CLEC16A: variants seen among roughly 807,000 people sequenced by gnomAD.
CLEC16A encodes protein CLEC16A.
In CLEC16A, 51 loss-of-function variants were observed where a neutral mutation model predicts 109.5. The observed-to-expected ratio is 0.47, with a 90% CI of 0.37 to 0.59. The LOEUF (loss-of-function observed/expected upper bound fraction) is 0.59, where lower values mean the gene tolerates loss of function less well. Among genes scored for constraint, CLEC16A ranks in the 20% least tolerant of loss-of-function variants. The pLI, the probability that CLEC16A is intolerant of heterozygous loss-of-function variation, is 0.00. For missense variants in CLEC16A, 1,339 were observed against 1,394.0 expected (o/e 0.96, Z 0.63); for synonymous variants, 673 against 564.2 (o/e 1.19, Z -2.73).
At chr16:11,140,011 C>T (rs1188177201) in intron 22 of CLEC16A, among the ~76,000 whole-genome samples, 1 of 152,320 alleles carries the variant, frequency 6.6e-6, no homozygotes, top group South Asian at 2.1e-4. Context: ...AAAGCAAGGT[C>T]CCCTGCCCGG....
At position 11,020,300 on chromosome 16, in the gene CLEC16A, T is replaced by C; in HGVS notation, c.1411T>C (p.Cys471Arg). 6.2e-7 allele frequency: 1 copy of C among 1,612,700 alleles called. No homozygotes were observed. Among genetic ancestry groups the C allele is most frequent in the Non-Finnish European group, 8.5e-7 (1 of 1,179,314 alleles). ...TDEEKSAAATCSESTQWSRPF... is the reference protein window; with the variant it reads ...TDEEKSAAATRSESTQWSRPF... The stretch of plus-strand genomic sequence containing the variant: ...CGAGGAGAAAAGCGCCGCCGCCACC[T>C]GCTCTGAGAGCACGCAATGGAGCAG... Residue 471 changes from cysteine to arginine, a missense_variant, in exon 12 of 24, where the codon TGC becomes CGC. Physicochemically the swap from Cys to Arg is radical, Grantham distance 180. Transcript: ENST00000409790.
At chr16:10,960,519 G>A (rs566304236) in intron 2 of CLEC16A, among the ~76,000 whole-genome samples, 1 of 152,284 alleles carries the variant, frequency 6.6e-6, no homozygotes, top group South Asian at 2.1e-4. Flanking sequence ...ATGACATCCT[G>A]GTGATGTTAC....
intron 19 of CLEC16A, among the ~76,000 whole-genome samples, chr16:11,068,986 C>CTTT: frequency 8.1e-6 from 1 of 123,466 alleles, no homozygotes; most frequent in Non-Finnish European, 1.7e-5. Context: ...GGCTAATTTT[C>CTTT]TTTTTTTTTT....
At chr16:11,143,767 C>T (rs1189103317) in intron 22 of CLEC16A, among the ~76,000 whole-genome samples, 3 of 152,158 alleles carry the variant, frequency 2.0e-5, no homozygotes, top group African/African-American at 7.2e-5. Flanking sequence ...AGCTCATCGT[C>T]AGAACCTCCC....
intron 13 of CLEC16A, 50 bp from the exon 14 acceptor site, chr16:11,039,704 A>T: frequency 6.4e-7 from 1 of 1,556,684 alleles, no homozygotes; most frequent in Non-Finnish European, 8.7e-7. Context: ...CGGTATGAGG[A>T]GGTCAGGTAG....
intron 7 of CLEC16A, among the ~76,000 whole-genome samples, chr16:10,974,523 A>G (rs1315236877): frequency 1.3e-5 from 2 of 152,132 alleles, no homozygotes; most frequent in Non-Finnish European, 2.9e-5. Flanking sequence ...TCTACCTGCT[A>G]GATGCCAGTA....
At chr16:11,036,157 C>A (rs1019043870) in intron 13 of CLEC16A, 2 of 152,424 alleles carry the variant, frequency 1.3e-5, no homozygotes, top group Admixed American at 1.3e-4. Context: ...AATGGAACCA[C>A]CCCAGTCAGC....
intron 13 of CLEC16A, among the ~76,000 whole-genome samples, chr16:11,034,133 C>G (rs2046895032): frequency 6.6e-6 from 1 of 152,192 alleles, no homozygotes; most frequent in African/African-American, 2.4e-5. Context: ...AGGTAATAGG[C>G]TAAAGGGAAG....
In CLEC16A at chr16:11,178,368, A is replaced by G. The variant is rs2068843113; in HGVS notation, c.2840A>G (p.His947Arg). Residue 947 changes from histidine (H) to arginine (R), a missense_variant, in exon 24 of 24, where the codon CAC becomes CGC. Transcript: ENST00000409790. The surrounding 1 kb of genome is among the most constrained non-coding windows in gnomAD (Gnocchi z 6.5). ...APMSPELPKP[H>R]LPDQLVIVNE... is the part of the protein sequence containing the mutation. ...ATGAGTCCAGAACTGCCTAAGCCTC[A>G]CCTTCCTGACCAGTTGGTAATCGTC... The G allele has an allele frequency of 2.5e-6, 4 of 1,613,398 alleles. No individual in the cohort carries two copies. The highest frequency in any genetic ancestry group is 1.7e-4 in the Middle Eastern group (1 of 6,058).
At chr16:10,949,603 C>CAG (rs35105899) in intron 1 of CLEC16A, among the ~76,000 whole-genome samples, 106,974 of 152,072 alleles carry the variant, frequency 0.7, 39,210 homozygotes, top group South Asian at 0.81. Context: ...CCATGCTTGG[C>CAG]AGTCTCCAGA....
At chr16:11,063,049 TTA>T (rs2048571209) in intron 19 of CLEC16A, among the ~76,000 whole-genome samples, 1 of 152,206 alleles carries the variant, frequency 6.6e-6, no homozygotes, top group African/African-American at 2.4e-5. Context: ...AGTTTTTCAC[TTA>T]TCAATTTTAA....
intron 19 of CLEC16A, among the ~76,000 whole-genome samples, chr16:11,083,222 G>A (rs2049830987): frequency 6.6e-6 from 1 of 152,164 alleles, no homozygotes; most frequent in Non-Finnish European, 1.5e-5. Flanking sequence ...GAGTGCAGTG[G>A]CACAAACGTG....
intron 11 of CLEC16A, among the ~76,000 whole-genome samples, chr16:11,007,969 G>A (rs2045136977): frequency 6.6e-6 from 1 of 152,118 alleles, no homozygotes; most frequent in African/African-American, 2.4e-5. Context: ...CCTCTGAAGA[G>A]CAACTTCCCG....
chr16:11,155,276 T>C (rs1311344841), intron 22 of CLEC16A, among the ~76,000 whole-genome samples: 1 of 152,220 alleles, frequency 6.6e-6, no homozygotes, highest in East Asian at 1.9e-4. Flanking sequence ...TAAGGTGTGG[T>C]GGTGTCACTC....
Position 11,024,911 on chromosome 16 carries a change from TCATAATAAAGGTAAG to T in CLEC16A, c.1530_1537+7del. 1 of 1,606,966 alleles carries T rather than the reference TCATAATAAAGGTAAG, an allele frequency of 6.2e-7. No individual in the cohort carries two copies. Among genetic ancestry groups the T allele is most frequent in the Non-Finnish European group, 8.5e-7 (1 of 1,176,558 alleles). On this transcript the variant is annotated splice_donor_variant and splice_donor_5th_base_variant and coding_sequence_variant and intron_variant, in exon 13 of 24. Coordinates refer to ENST00000409790, the MANE Select transcript of CLEC16A (RefSeq NM_015226.3). LOFTEE classifies it high-confidence loss of function. ...TGCTCTGCCTCCTCTATGCCATGTC[TCATAATAAAGGTAAG>T]CACCCTTGCCTTGCCTGACTTCCTT...
intron 13 of CLEC16A, among the ~76,000 whole-genome samples, chr16:11,030,834 A>G (rs1274963648): frequency 6.6e-6 from 1 of 152,120 alleles, no homozygotes; most frequent in Non-Finnish European, 1.5e-5. Context: ...TAGTAGTGAC[A>G]GGGTTTCGCC....
intron 19 of CLEC16A, among the ~76,000 whole-genome samples, chr16:11,090,876 G>A (rs1300407703): frequency 7.2e-6 from 1 of 139,748 alleles, no homozygotes; most frequent in African/African-American, 2.8e-5. Context: ...TGCCTTGTTG[G>A]CCAGGCTCGT....
intron 22 of CLEC16A, among the ~76,000 whole-genome samples, chr16:11,149,248 A>C (rs902067994): frequency 1.3e-5 from 2 of 152,170 alleles, no homozygotes; most frequent in African/African-American, 4.8e-5. Context: ...TGAGCTGATA[A>C]CAGGAATGGA....
At chr16:11,157,155 C>T in intron 22 of CLEC16A, 1 of 1,268,532 alleles carries the variant, frequency 7.9e-7, no homozygotes, top group Non-Finnish European at 1.0e-6. Context: ...TCTGCAAGTT[C>T]CCAGCTATTT....
Sources: allele counts gnomAD v4.1 joint callset (sites outside exome capture counted in the v4.1 genomes callset), GRCh38; gene constraint gnomAD v4.1.1; non-coding constraint Gnocchi (gnomAD v3.1); transcripts MANE v1.5; gene names NCBI Gene and HGNC (gene_info 2026-07-23, HGNC 2026-07-21).